Variants in MIR2052HG observed in about 807,000 individuals in gnomAD.
MIR2052HG encodes the protein MIR2052 host gene.
intron 2 of MIR2052HG, among the ~76,000 whole-genome samples, chr8:74,674,304 G>T (rs1193248865): frequency 2.0e-5 from 3 of 151,508 alleles, no homozygotes; most frequent in African/African-American, 7.3e-5. Context: ...CTATATAATT[G>T]CCACCCCCAA....
At chr8:74,707,773 A>G (rs1477952205) in intron 4 of MIR2052HG, among the ~76,000 whole-genome samples, 1 of 152,144 alleles carries the variant, frequency 6.6e-6, no homozygotes, top group Non-Finnish European at 1.5e-5. Context: ...TACCAGAGAA[A>G]GAATGGACAA....
intron 2 of MIR2052HG, among the ~76,000 whole-genome samples, chr8:74,663,612 C>T (rs986207547): frequency 1.3e-5 from 2 of 152,228 alleles, no homozygotes; most frequent in African/African-American, 4.8e-5. Context: ...CCTTTGTAAA[C>T]ACAGCCAATG....
intron 4 of MIR2052HG, among the ~76,000 whole-genome samples, chr8:74,708,830 A>C (rs1006559764): frequency 4.0e-5 from 6 of 151,318 alleles, no homozygotes; most frequent in Admixed American, 3.9e-4. Flanking sequence ...TAAAATTAAA[A>C]ATTTAAATAA....
chr8:74,671,556 C>G (rs1026270228), intron 2 of MIR2052HG, among the ~76,000 whole-genome samples: 20 of 152,214 alleles, frequency 1.3e-4, no homozygotes, highest in South Asian at 4.1e-4. Flanking sequence ...TATGTTCTTT[C>G]TCATCTGGAG....
chr8:74,655,236 A>AT (rs201047701), intron 2 of MIR2052HG, among the ~76,000 whole-genome samples: 2,627 of 152,298 alleles, frequency 0.017, 33 homozygotes, highest in Non-Finnish European at 0.027. Flanking sequence ...AGAAAAACCC[A>AT]TTTTTTGAGG....
Position 74,740,289 on chromosome 8 carries a change from C to T in MIR2052HG, n.372-12152C>T, listed in dbSNP as rs139282034. Reference sequence around the variant, plus strand: ...GACCAGCCTGGCCAACATGGCAAAACCCTGTCTCTACTAAAAATACAAAAA... The same window carrying T: ...GACCAGCCTGGCCAACATGGCAAAATCCTGTCTCTACTAAAAATACAAAAA... On this transcript the variant is annotated intron_variant and non_coding_transcript_variant, in intron 4 of 6. Coordinates refer to ENST00000523442, the Ensembl canonical transcript of MIR2052HG. 3.4e-3 allele frequency among the ~76,000 whole-genome samples: 515 copies of T among 152,172 alleles called. 13 individuals carry two copies. The highest frequency in any genetic ancestry group is 0.029 in the Admixed American group (448 of 15,270).
chr8:74,709,519 TTATC>T (rs1413739907), intron 4 of MIR2052HG, among the ~76,000 whole-genome samples: 34 of 152,122 alleles, frequency 2.2e-4, no homozygotes, highest in Admixed American at 2.2e-3. Flanking sequence ...CTCCTTTTCA[TTATC>T]TATCTGTTTC....
At chr8:74,603,397 G>A in intron 1 of MIR2052HG, 1 of 1,611,052 alleles carries the variant, frequency 6.2e-7, no homozygotes. Context: ...CCTATCAGTA[G>A]ATCCTTCCAC....
intron 2 of MIR2052HG, among the ~76,000 whole-genome samples, chr8:74,638,756 T>C (rs1321637261): frequency 6.6e-6 from 1 of 152,088 alleles, no homozygotes; most frequent in East Asian, 1.9e-4. Context: ...AATACCTAAA[T>C]AAAGATGTAG....
At chr8:74,746,353 T>C (rs1034715204) in intron 4 of MIR2052HG, among the ~76,000 whole-genome samples, 3 of 152,190 alleles carry the variant, frequency 2.0e-5, no homozygotes, top group Non-Finnish European at 4.4e-5. Flanking sequence ...TGCAACTACA[T>C]TGATTAAACA....
At chr8:74,734,279 A>G (rs1471205628) in intron 4 of MIR2052HG, among the ~76,000 whole-genome samples, 1 of 152,190 alleles carries the variant, frequency 6.6e-6, no homozygotes, top group Non-Finnish European at 1.5e-5. Context: ...TTGTTTTGGC[A>G]ATATCTTAGG....
intron 4 of MIR2052HG, among the ~76,000 whole-genome samples, chr8:74,709,765 G>T (rs976892171): frequency 6.6e-6 from 1 of 152,054 alleles, no homozygotes; most frequent in African/African-American, 2.4e-5. Flanking sequence ...TATGGGGTTG[G>T]GCTGAGTTCT....
intron 2 of MIR2052HG, among the ~76,000 whole-genome samples, chr8:74,625,728 AT>A (rs1808425380): frequency 6.6e-6 from 1 of 152,220 alleles, no homozygotes; most frequent in Non-Finnish European, 1.5e-5. Flanking sequence ...GACAATTGAA[AT>A]TATATTTTGT....
chr8:74,670,489 A>G (rs1563528014), intron 2 of MIR2052HG, among the ~76,000 whole-genome samples: 1 of 152,202 alleles, frequency 6.6e-6, no homozygotes, highest in Non-Finnish European at 1.5e-5. Context: ...GAAATACTTG[A>G]GACCTAAAAT....
chr8:74,679,970 G>A (rs1192858444), intron 2 of MIR2052HG, among the ~76,000 whole-genome samples: 1 of 152,082 alleles, frequency 6.6e-6, no homozygotes, highest in African/African-American at 2.4e-5. Flanking sequence ...AAGACAAGAG[G>A]TAAACGTAAA....
intron 2 of MIR2052HG, among the ~76,000 whole-genome samples, chr8:74,614,685 TCTTTC>T (rs933009550): frequency 3.3e-5 from 5 of 152,096 alleles, no homozygotes; most frequent in Admixed American, 1.3e-4. Context: ...TCTTTTTTTC[TCTTTC>T]CTTTCCTTTC....
At chr8:74,644,235 A>G (rs936678034) in intron 2 of MIR2052HG, among the ~76,000 whole-genome samples, 2 of 152,252 alleles carry the variant, frequency 1.3e-5, no homozygotes, top group Non-Finnish European at 2.9e-5. Context: ...GTTTCAGTCA[A>G]TAATGTCAAT....
intron 1 of MIR2052HG, among the ~76,000 whole-genome samples, chr8:74,608,661 T>C (rs924358673): frequency 4.6e-5 from 7 of 152,086 alleles, no homozygotes; most frequent in African/African-American, 1.7e-4. Context: ...AAATCATGAA[T>C]AGAAAAATCT....
chr8:74,740,100 T>TA (rs1034819714), intron 4 of MIR2052HG, among the ~76,000 whole-genome samples: 2 of 152,180 alleles, frequency 1.3e-5, no homozygotes, highest in African/African-American at 2.4e-5. Flanking sequence ...GACCATGACT[T>TA]AAAAAATTAT....
Sources: gnomAD v4.1 joint callset for allele counts (sites outside exome capture counted in the v4.1 genomes callset) on GRCh38, gnomAD v4.1.1 for gene constraint, MANE v1.5 for transcripts, NCBI Gene and HGNC (gene_info 2026-07-23, HGNC 2026-07-21) for gene names.